Variants in ZFHX2 observed in about 807,000 individuals in gnomAD.
ZFHX2 encodes zinc finger homeobox 2.
In ZFHX2, 75 loss-of-function variants were observed where a neutral mutation model predicts 164.8. That is an observed-to-expected ratio of 0.46 (90% confidence interval 0.38 to 0.55). ZFHX2 has a LOEUF of 0.55. Ranked by LOEUF, ZFHX2 falls within the 20% of genes least tolerant of loss-of-function variation. ZFHX2 has a pLI of 0.00. For missense variants in ZFHX2, 2,933 were observed against 3,308.0 expected (o/e 0.89, Z 2.78); for synonymous variants, 1,217 against 1,351.4 (o/e 0.90, Z 2.18).
At chr14:23,544,627 T>C (rs74959070) in intron 1 of ZFHX2, among the ~76,000 whole-genome samples, 348 of 152,290 alleles carry the variant, frequency 2.3e-3, no homozygotes, top group African/African-American at 8.0e-3. Flanking sequence ...TGAGCCCGTA[T>C]GTGGTTGGCC....
intron 1 of ZFHX2, among the ~76,000 whole-genome samples, chr14:23,536,240 G>A (rs1205601071): frequency 6.6e-6 from 1 of 152,186 alleles, no homozygotes; most frequent in Non-Finnish European, 1.5e-5. Context: ...GGGGGCTTTA[G>A]TTTTTGCTCT....
chr14:23,544,718 G>A (rs571468354), intron 1 of ZFHX2, among the ~76,000 whole-genome samples: 4 of 152,286 alleles, frequency 2.6e-5, no homozygotes, highest in East Asian at 3.9e-4. Context: ...TTACACTCTC[G>A]CTGCCTCTAA....
At chr14:23,551,992 C>T (rs528314749), upstream of ZFHX2, among the ~76,000 whole-genome samples, 72 of 152,336 alleles carry the variant, frequency 4.7e-4, no homozygotes, top group Admixed American at 1.2e-3. The surrounding 1 kb of genome is among the most constrained non-coding windows in gnomAD (Gnocchi z 5.3). Flanking sequence ...CCTCTTCATC[C>T]TGTGGCCTGC....
chr14:23,524,512 C>G lies in ZFHX2; in HGVS notation c.5430G>C (p.Leu1810=). ...CCAGGGGGTTTCTCTCCCCAAACAC[C>G]AGCAAGGGCAGATCTAGGAGTTGGG... is the stretch of plus-strand genomic sequence containing the variant. ...APPQLLDLPL[L]VFGERNPLVA... Residue 1810 remains leucine, a synonymous_variant, in exon 9 of 10, where the codon CTG becomes CTC. Transcript: ENST00000419474. This position sits in a 1 kb window ranked among gnomAD's most constrained non-coding sequence, Gnocchi z 5.6. 1 of 1,526,138 alleles carries G rather than the reference C, an allele frequency of 6.6e-7. No homozygotes were observed. The highest frequency in any genetic ancestry group is 8.8e-7 in the Non-Finnish European group (1 of 1,141,518). The allele number at this position is 1,526,138 out of a possible 1,614,324, so 94.5% of individuals were successfully genotyped here. A position where few individuals can be genotyped will look rare whatever the true frequency, so the allele number is the denominator to read the frequency against.
At position 23,534,645 on chromosome 14, in the gene ZFHX2, G is replaced by A. The variant is rs1879957857; in HGVS notation, c.681C>T (p.Asn227=). ...PGDPKDGPMG[N]SGGNHVAVFW... ...AGACCGCCACGTGGTTGCCCCCGCTGTTCCCCATGGGGCCATCTTTGGGAT... is the reference window on the plus strand; with the variant it reads ...AGACCGCCACGTGGTTGCCCCCGCTATTCCCCATGGGGCCATCTTTGGGAT... Residue 227 remains asparagine (N), a synonymous_variant, in exon 2 of 10, where the codon AAC becomes AAT. Coordinates refer to ENST00000419474, the MANE Select transcript of ZFHX2 (RefSeq NM_033400.3). The surrounding 1 kb of genome is among the most constrained non-coding windows in gnomAD (Gnocchi z 4.5). 6.5e-7 allele frequency: 1 copy of A among 1,536,168 alleles called. No individual in the cohort carries two copies. Among genetic ancestry groups the A allele is most frequent in the Non-Finnish European group, 8.7e-7 (1 of 1,146,918 alleles).
chr14:23,520,924 T>C lies in ZFHX2; in HGVS notation c.*1038A>G, dbSNP rs1877878003. The C allele has an allele frequency of 1.3e-5, 2 of 152,066 alleles. No homozygotes were observed. The highest frequency in any genetic ancestry group is 2.1e-4 in the South Asian group (1 of 4,826). The allele number at this position is 152,066 out of a possible 1,614,324, so 9.4% of individuals were successfully genotyped here. A position where few individuals can be genotyped will look rare whatever the true frequency, so the allele number is the denominator to read the frequency against. On this transcript the variant is annotated 3_prime_UTR_variant, in exon 10 of 10. Transcript: ENST00000419474. This position sits in a 1 kb window ranked among gnomAD's most constrained non-coding sequence, Gnocchi z 8.7. ...AAGTTTACGTTTTTCTTTAGTTCAT[T>C]CCTCTGGTGTCCGTTTCTCTCTTTT...
Position 23,525,751 on chromosome 14 carries a change from T to C in ZFHX2, c.4191A>G (p.Pro1397=), listed in dbSNP as rs1878617009. 6.6e-7 allele frequency: 1 copy of C among 1,507,232 alleles called. No homozygotes were observed. The highest frequency in any genetic ancestry group is 2.1e-5 in the Admixed American group (1 of 48,742). 93.4% of individuals were successfully genotyped at this position (1,507,232 alleles called of 1,614,324 possible). A position where few individuals can be genotyped will look rare whatever the true frequency, so the allele number is the denominator to read the frequency against. Residue 1397 remains proline (P), a synonymous_variant, in exon 9 of 10, where the codon CCA becomes CCG. Coordinates refer to ENST00000419474, the MANE Select transcript of ZFHX2 (RefSeq NM_033400.3). The surrounding 1 kb of genome is among the most constrained non-coding windows in gnomAD (Gnocchi z 5.9). ...LSLPAATPPP[P]PQPPKAELAE... is the part of the protein sequence containing the mutation. ...CCAGCTCAGCCTTGGGAGGTTGGGGTGGAGGAGGAGGGGTGGCAGCTGGCA... is the reference window on the plus strand; with the variant it reads ...CCAGCTCAGCCTTGGGAGGTTGGGGCGGAGGAGGAGGGGTGGCAGCTGGCA...
Position 23,533,575 on chromosome 14 carries a change from A to C in ZFHX2, c.1751T>G (p.Leu584Arg), listed in dbSNP as rs1324467105. 6.5e-7 allele frequency: 1 copy of C among 1,536,462 alleles called. No individual in the cohort carries two copies. Among genetic ancestry groups the C allele is most frequent in the Admixed American group, 2.0e-5 (1 of 50,996 alleles). ...CTTCTCAGAGGTCATATGGATGCGC[A>C]GGTTACGGGAGATGTTTGTCTCGTA... ...CSYETNISRNLRIHMTSEKHM... is the reference protein window; with the variant it reads ...CSYETNISRNRRIHMTSEKHM... The change falls in exon 2 of 10, where the codon CTG becomes CGG. Residue 584 changes from leucine (L) to arginine (R), a missense_variant. By Grantham distance (102) the Leu-to-Arg change is moderately radical. Coordinates refer to ENST00000419474, the MANE Select transcript of ZFHX2 (RefSeq NM_033400.3). The surrounding 1 kb of genome is among the most constrained non-coding windows in gnomAD (Gnocchi z 4.8).
rs545661382 is a variant in ZFHX2, at chr14:23,532,753, G to A, written c.2373C>T (p.His791=). ...KHAQKYQLAA[H]LREGGGAMGT... is the part of the protein sequence containing the mutation. ...CCATGGCTCCACCCCCCTCCCGCAG[G>A]TGGGCTGCCAGCTGGTACTTCTGAG... Residue 791 remains histidine (H), a synonymous_variant, in exon 3 of 10, where the codon CAC becomes CAT. Coordinates refer to ENST00000419474, the MANE Select transcript of ZFHX2 (RefSeq NM_033400.3). 6.5e-6 allele frequency: 10 copies of A among 1,536,240 alleles called. No homozygotes were observed. In the African/African-American group the frequency reaches 6.8e-5, roughly 10 times the overall value.
At chr14:23,539,368 A>G (rs2138838387) in intron 1 of ZFHX2, among the ~76,000 whole-genome samples, 1 of 152,284 alleles carries the variant, frequency 6.6e-6, no homozygotes, top group South Asian at 2.1e-4. Flanking sequence ...TGAGCTGCAA[A>G]TGTTCTTCCA....
upstream of ZFHX2, among the ~76,000 whole-genome samples, chr14:23,552,087 C>G (rs1195963374): frequency 6.6e-6 from 1 of 152,032 alleles, no homozygotes; most frequent in African/African-American, 2.4e-5. Flanking sequence ...TTTTTTCATT[C>G]TCTTCTTCCT....
chr14:23,527,899 TC>T, intron 6 of ZFHX2, 95 bp from the exon 7 acceptor site: 2 of 550,814 alleles, frequency 3.6e-6, no homozygotes, highest in South Asian at 2.1e-5. Flanking sequence ...CCGCCCCCAC[TC>T]CTTTTTTTTT....
intron 1 of ZFHX2, among the ~76,000 whole-genome samples, chr14:23,536,342 G>A (rs368413527): frequency 2.0e-5 from 3 of 152,154 alleles, no homozygotes; most frequent in East Asian, 1.9e-4. Context: ...ATACCCTGAC[G>A]AGGTAAATTC....
At chr14:23,542,726 A>C (rs2138868869) in intron 1 of ZFHX2, among the ~76,000 whole-genome samples, 1 of 152,152 alleles carries the variant, frequency 6.6e-6, no homozygotes, top group Non-Finnish European at 1.5e-5. Flanking sequence ...GGTCTCCCAG[A>C]ACTTGGTAGG....
At position 23,524,536 on chromosome 14, in the gene ZFHX2, G is replaced by A. The variant is rs61734117; in HGVS notation, c.5406C>T (p.Pro1802=). The change falls in exon 9 of 10, where the codon CCC becomes CCT. Residue 1802 remains proline (P), a synonymous_variant. Transcript: ENST00000419474. This position sits in a 1 kb window ranked among gnomAD's most constrained non-coding sequence, Gnocchi z 5.6. ...CCAGCAAGGGCAGATCTAGGAGTTG[G>A]GGGGGAGCACTGGGCTGCAGAGATG... The part of the protein sequence containing the change: ...FLPSLQPSAP[P]QLLDLPLLVF... The A allele has an allele frequency of 2.8e-5, 42 of 1,527,254 alleles. No homozygotes were observed. The highest frequency in any genetic ancestry group is 7.9e-5 in the Admixed American group (4 of 50,580). 94.6% of individuals were successfully genotyped at this position (1,527,254 alleles called of 1,614,324 possible).
chr14:23,544,690 CTAA>C (rs753733988), intron 1 of ZFHX2, among the ~76,000 whole-genome samples: 6 of 152,198 alleles, frequency 3.9e-5, no homozygotes, highest in Non-Finnish European at 8.8e-5. Context: ...TGGCCCAGCC[CTAA>C]TGAGTGTGAT....
chr14:23,536,468 C>A (rs1880152588), intron 1 of ZFHX2, among the ~76,000 whole-genome samples: 1 of 152,198 alleles, frequency 6.6e-6, no homozygotes, highest in African/African-American at 2.4e-5. Flanking sequence ...CAGATGGGAG[C>A]TTCTCTGGTC....
chr14:23,523,359 G>A lies in ZFHX2; in HGVS notation c.6583C>T (p.Pro2195Ser). ...GCCTTGAGAGCTGGGGGAGCCTCAG[G>A]TGCTGGGGCCAAGTCGTAGCACTTG... Reference protein sequence around the residue: ...ESKCYDLAPAPEAPPALKAPP... With the variant: ...ESKCYDLAPASEAPPALKAPP... The change falls in exon 9 of 10, where the codon CCT becomes TCT. Residue 2195 changes from proline (P) to serine (S), a missense_variant. Pro to Ser is a moderately conservative substitution (Grantham distance 74). Coordinates refer to ENST00000419474, the MANE Select transcript of ZFHX2 (RefSeq NM_033400.3). This position sits in a 1 kb window ranked among gnomAD's most constrained non-coding sequence, Gnocchi z 4.1. The A allele has an allele frequency of 6.8e-7, 1 of 1,475,144 alleles. No homozygotes were observed. Among genetic ancestry groups the A allele is most frequent in the Non-Finnish European group, 9.0e-7 (1 of 1,115,154 alleles). 91.4% of individuals were successfully genotyped at this position (1,475,144 alleles called of 1,614,324 possible).
intron 5 of ZFHX2, 81 bp downstream of exon 5, chr14:23,530,039 T>C (rs932442356): frequency 7.5e-7 from 1 of 1,339,908 alleles, no homozygotes; most frequent in African/African-American, 1.5e-5. Flanking sequence ...GCACAGACAT[T>C]GCTGGGCTCC....
Sources: allele counts gnomAD v4.1 joint callset (sites outside exome capture counted in the v4.1 genomes callset), GRCh38; gene constraint gnomAD v4.1.1; non-coding constraint Gnocchi (gnomAD v3.1); transcripts MANE v1.5; gene names NCBI Gene and HGNC (gene_info 2026-07-23, HGNC 2026-07-21).